RRM2: variants seen among roughly 807,000 people sequenced by gnomAD.
The protein encoded by RRM2 is ribonucleotide reductase regulatory subunit M2.
A neutral mutation model predicts 45.9 loss-of-function variants in RRM2; 6 were observed. The observed-to-expected ratio is 0.13, with a 90% CI of 0.07 to 0.26. The LOEUF is 0.26. RRM2 is among the 10% of genes least tolerant of loss of function. RRM2 has a pLI of 1.00. For missense variants in RRM2, 343 were observed against 489.5 expected, an observed-to-expected ratio of 0.70 and a Z score of 2.82; for synonymous variants, 177 against 173.0, an observed-to-expected ratio of 1.02 and a Z score of -0.18.
At chr2:10,177,860 G>T (rs1663963163) in intron 3 of RRM2, among the ~76,000 whole-genome samples, 1 of 151,352 alleles carries the variant, frequency 6.6e-6, no homozygotes, top group East Asian at 1.9e-4. Context: ...GACTTAAGGT[G>T]ATCCACCCGC....
intron 3 of RRM2, among the ~76,000 whole-genome samples, chr2:10,184,091 TAAAAAAA>T (rs60421650): frequency 1.9e-3 from 58 of 30,680 alleles, no homozygotes; most frequent in Admixed American, 2.6e-3. Context: ...AGACTCCATC[TAAAAAAA>T]AAAAAAAAAA....
At chr2:10,165,101 A>G (rs1457660675) in intron 3 of RRM2, among the ~76,000 whole-genome samples, 1 of 152,166 alleles carries the variant, frequency 6.6e-6, no homozygotes, top group Non-Finnish European at 1.5e-5. Context: ...ACAGGTGCAC[A>G]TCACCACACC....
intron 3 of RRM2, among the ~76,000 whole-genome samples, chr2:10,190,319 GTGATGGTGGTGGTGA>G (rs1664266075): frequency 7.2e-6 from 1 of 138,496 alleles, no homozygotes. Flanking sequence ...GTGTGATGAT[GTGATGGTGGTGGTGA>G]TGATGGTGGT....
In RRM2 at chr2:10,169,133, C is replaced by T. The variant is rs1663741655; in HGVS notation, n.482+26758C>T. ...GACTACAGGCACATGTCACCATGCC[C>T]AGCTACTTTTTGTATTTTTTTTTTT... is the stretch of plus-strand genomic sequence containing the variant. On this transcript the variant is annotated intron_variant and non_coding_transcript_variant, in intron 3 of 3. Transcript: ENST00000381786. This position sits in a 1 kb window ranked among gnomAD's most constrained non-coding sequence, Gnocchi z 5.1. Among the ~76,000 whole-genome samples, 1 of 147,092 alleles carries T rather than the reference C, an allele frequency of 6.8e-6. No individual in the cohort carries two copies. Among genetic ancestry groups the T allele is most frequent in the Non-Finnish European group, 1.5e-5 (1 of 67,284 alleles).
intron 3 of RRM2, among the ~76,000 whole-genome samples, chr2:10,175,301 C>T (rs1472326970): frequency 2.0e-5 from 3 of 152,222 alleles, no homozygotes; most frequent in Non-Finnish European, 4.4e-5. Context: ...TTTCTTAAAC[C>T]TCATATAAAC....
At chr2:10,179,945 A>T (rs767605748) in intron 3 of RRM2, among the ~76,000 whole-genome samples, 45 of 152,258 alleles carry the variant, frequency 3.0e-4, no homozygotes, top group Middle Eastern at 6.8e-3. Flanking sequence ...CCTCTGTCTA[A>T]TCCAGCTCTA....
intron 3 of RRM2, among the ~76,000 whole-genome samples, chr2:10,164,261 C>T (rs1435279883): frequency 6.6e-6 from 1 of 152,210 alleles, no homozygotes; most frequent in African/African-American, 2.4e-5. Flanking sequence ...CCTGAGTCTG[C>T]ATCTGGGCTC....
At position 10,127,310 on chromosome 2, in the gene RRM2, G is replaced by A; in HGVS notation, c.798+90G>A. 7.6e-7 allele frequency: 1 copy of A among 1,319,310 alleles called. No homozygotes were observed. The highest frequency in any genetic ancestry group is 1.1e-6 in the Non-Finnish European group (1 of 945,456). The allele number at this position is 1,319,310 out of a possible 1,614,324, so 81.7% of individuals were successfully genotyped here. A position where few individuals can be genotyped will look rare whatever the true frequency, so the allele number is the denominator to read the frequency against. On this transcript the variant is annotated intron_variant, in intron 7 of 9. Coordinates refer to ENST00000304567, the MANE Select transcript of RRM2 (RefSeq NM_001034.4). This position sits in a 1 kb window ranked among gnomAD's most constrained non-coding sequence, Gnocchi z 4.1. The stretch of plus-strand genomic sequence containing the variant: ...TCACTGACGGGGACCTGAGATGCTA[G>A]ATGGCATATATCCACATTTAATGTG...
chr2:10,125,275 A>ACT (rs1240681303), intron 5 of RRM2, among the ~76,000 whole-genome samples: 2 of 152,202 alleles, frequency 1.3e-5, no homozygotes, highest in African/African-American at 2.4e-5. Flanking sequence ...TACATAAGGC[A>ACT]GAGGCAGCAG....
rs532639101 is a variant in RRM2 at position 10,204,241 on chromosome 2, C to T, written n.483-6070C>T. On this transcript the variant is annotated intron_variant and non_coding_transcript_variant, in intron 3 of 3. Transcript: ENST00000381786. The surrounding 1 kb of genome is among the most constrained non-coding windows in gnomAD (Gnocchi z 4.0). ...GCCCAACCTCCAGGGCAGACTGACC[C>T]GTGATGGGCATGGGAGCCCAGAAAA... Among the ~76,000 whole-genome samples, 3 of 152,206 alleles carry T rather than the reference C, an allele frequency of 2.0e-5. No individual in the cohort carries two copies. Among genetic ancestry groups the T allele is most frequent in the East Asian group, 1.9e-4 (1 of 5,142 alleles).
intron 4 of RRM2, 55 bp downstream of exon 4, chr2:10,123,907 TA>T: frequency 1.0e-6 from 1 of 992,676 alleles, no homozygotes; most frequent in South Asian, 1.3e-5. Context: ...GAGGTCGAAC[TA>T]GTTCGCTTTC....
At chr2:10,160,469 C>T (rs1663532683) in intron 3 of RRM2, among the ~76,000 whole-genome samples, 1 of 152,236 alleles carries the variant, frequency 6.6e-6, no homozygotes, top group Non-Finnish European at 1.5e-5. Flanking sequence ...CCGAAGGTGC[C>T]TACTGTGTGG....
At chr2:10,170,896 A>T (rs1414423637) in intron 3 of RRM2, among the ~76,000 whole-genome samples, 1 of 152,222 alleles carries the variant, frequency 6.6e-6, no homozygotes, top group Non-Finnish European at 1.5e-5. Flanking sequence ...CTGTTCCAAA[A>T]TCAAGAGACC....
At chr2:10,167,783 A>T (rs1470993819) in intron 3 of RRM2, among the ~76,000 whole-genome samples, 2 of 152,178 alleles carry the variant, frequency 1.3e-5, no homozygotes, top group African/African-American at 4.8e-5. Flanking sequence ...TCATCTGAAG[A>T]TAACTTGGCC....
chr2:10,205,979 C>T lies in RRM2; in HGVS notation n.483-4332C>T, dbSNP rs112310019. Reference sequence around the variant, plus strand: ...AAGTTCTGGGATTACAGGCATGAGCCACTGCGCCTGGCCAAGAGGGTGTCT... The same window carrying T: ...AAGTTCTGGGATTACAGGCATGAGCTACTGCGCCTGGCCAAGAGGGTGTCT... On this transcript the variant is annotated intron_variant and non_coding_transcript_variant, in intron 3 of 3. Transcript: ENST00000381786. This position sits in a 1 kb window ranked among gnomAD's most constrained non-coding sequence, Gnocchi z 4.8. 0.019 allele frequency among the ~76,000 whole-genome samples: 2,851 copies of T among 152,232 alleles called. 97 individuals carry two copies. The highest frequency in any genetic ancestry group is 0.066 in the African/African-American group (2,731 of 41,560).
intron 3 of RRM2, among the ~76,000 whole-genome samples, chr2:10,180,465 G>A (rs1407987399): frequency 1.3e-5 from 2 of 152,190 alleles, no homozygotes; most frequent in Non-Finnish European, 2.9e-5. Context: ...TGAAGGCTGC[G>A]GGCCAGGCCC....
intron 3 of RRM2, among the ~76,000 whole-genome samples, chr2:10,166,712 C>T (rs1663690554): frequency 6.6e-6 from 1 of 152,234 alleles, no homozygotes; most frequent in Admixed American, 6.5e-5. Context: ...CCCTATGGCG[C>T]ACCAGCTGCT....
rs1025466031 is a variant in RRM2, at chr2:10,169,121, T to C, written n.482+26746T>C. ...CCAAGTAGCTGGGACTACAGGCACA[T>C]GTCACCATGCCCAGCTACTTTTTGT... On this transcript the variant is annotated intron_variant and non_coding_transcript_variant, in intron 3 of 3. Coordinates refer to the RRM2 transcript ENST00000381786. This position sits in a 1 kb window ranked among gnomAD's most constrained non-coding sequence, Gnocchi z 5.1. 6.6e-6 allele frequency among the ~76,000 whole-genome samples: 1 copy of C among 151,238 alleles called. No individual in the cohort carries two copies. Among genetic ancestry groups the C allele is most frequent in the Non-Finnish European group, 1.5e-5 (1 of 67,896 alleles).
chr2:10,137,089 C>T (rs545272613), upstream of RRM2, among the ~76,000 whole-genome samples: 12 of 152,342 alleles, frequency 7.9e-5, no homozygotes, highest in African/African-American at 2.6e-4. Flanking sequence ...GATTTTCCTG[C>T]CACGTGCAGT....
Sources: allele counts gnomAD v4.1 joint callset (sites outside exome capture counted in the v4.1 genomes callset), GRCh38; gene constraint gnomAD v4.1.1; non-coding constraint Gnocchi (gnomAD v3.1); transcripts MANE v1.5; gene names NCBI Gene and HGNC (gene_info 2026-07-23, HGNC 2026-07-21).